The following PTPN9 variants were observed in gnomAD, a reference collection of about 807,000 sequenced individuals.
The protein encoded by PTPN9 is tyrosine-protein phosphatase non-receptor type 9.
PTPN9 carries 26 observed loss-of-function variants against 69.8 expected under a neutral mutation model. The ratio of observed to expected loss-of-function variants is 0.37; its 90% CI spans 0.27 to 0.52. PTPN9 has a LOEUF of 0.52. Among genes scored for constraint, PTPN9 ranks in the 20% least tolerant of loss-of-function variants. PTPN9 has a pLI of 0.91. For synonymous variants in PTPN9, 274 were observed against 272.5 expected (o/e 1.01, Z -0.05); for missense variants, 549 against 740.3 (o/e 0.74, Z 3.00).
Position 75,483,828 on chromosome 15 carries a change from G to A in PTPN9, c.1063-3914C>T, listed in dbSNP as rs747134988. Among the ~76,000 whole-genome samples the A allele has an allele frequency of 6.6e-5, 10 of 152,252 alleles. 1 individual carries two copies. In the South Asian group the frequency reaches 1.0e-3, roughly 16 times the overall value. On this transcript the variant is annotated intron_variant, in intron 8 of 12. Coordinates refer to ENST00000618819, the MANE Select transcript of PTPN9 (RefSeq NM_002833.4). ...GGCAAACTGACAAACTGCATCTGCC[G>A]CCCAGAAGGAATGCTGAGGGCAGTC...
chr15:75,574,712 G>T (rs1324460124), intron 1 of PTPN9, among the ~76,000 whole-genome samples: 13 of 151,768 alleles, frequency 8.6e-5, no homozygotes, highest in Non-Finnish European at 1.5e-5. Flanking sequence ...AGGCTGAGGT[G>T]GGTGAATTGC....
intron 7 of PTPN9, among the ~76,000 whole-genome samples, chr15:75,500,595 T>C (rs2074767706): frequency 6.6e-6 from 1 of 152,060 alleles, no homozygotes; most frequent in South Asian, 2.1e-4. Flanking sequence ...AGATTGGATA[T>C]AAACAGGGAG....
intron 8 of PTPN9, chr15:75,480,560 T>A: frequency 4.5e-6 from 3 of 664,204 alleles, no homozygotes; most frequent in Non-Finnish European, 6.0e-6. Flanking sequence ...CGTCCGGCCA[T>A]GGTGGCCGCG....
chr15:75,512,757 C>G (rs966066175), intron 5 of PTPN9: 2 of 260,164 alleles, frequency 7.7e-6, no homozygotes, highest in African/African-American at 4.6e-5. Context: ...TTAAAATCCC[C>G]CAGAAAAGAC....
chr15:75,473,811 C>T (rs994892854), intron 9 of PTPN9, 44 bp from the exon 10 acceptor site: 5 of 1,465,954 alleles, frequency 3.4e-6, no homozygotes, highest in Non-Finnish European at 3.8e-6. Context: ...CTGGGAAACA[C>T]TTTTTTTCTT....
chr15:75,575,001 TGAGACAGAGG>T (rs1274067011), intron 1 of PTPN9, among the ~76,000 whole-genome samples: 23 of 18,756 alleles, frequency 1.2e-3, no homozygotes, highest in East Asian at 1.5e-3. Flanking sequence ...TTTTTTTTTT[TGAGACAGAGG>T]AGACGGAGTC....
intron 1 of PTPN9, among the ~76,000 whole-genome samples, chr15:75,550,766 AAG>A (rs2075053633): frequency 1.3e-5 from 2 of 152,214 alleles, no homozygotes; most frequent in Admixed American, 1.3e-4. Context: ...CCTGGGCAAA[AAG>A]AGTGAAACTC....
At chr15:75,550,906 A>G (rs1567518431) in intron 1 of PTPN9, among the ~76,000 whole-genome samples, 1 of 152,102 alleles carries the variant, frequency 6.6e-6, no homozygotes, top group Non-Finnish European at 1.5e-5. Context: ...TTGGCCACCC[A>G]AAGTGTTGGG....
chr15:75,543,013 C>T (rs1315531022), intron 1 of PTPN9, among the ~76,000 whole-genome samples: 13 of 123,454 alleles, frequency 1.1e-4, no homozygotes, highest in African/African-American at 3.7e-4. Context: ...CCCCACCCCA[C>T]GACAGTCCCC....
At chr15:75,490,791 A>AT (rs1442620789) in intron 7 of PTPN9, among the ~76,000 whole-genome samples, 3 of 151,940 alleles carry the variant, frequency 2.0e-5, no homozygotes, top group South Asian at 2.1e-4. Context: ...CGCCCAGCTA[A>AT]TTTTTTTGTA....
At position 75,529,249 on chromosome 15, in the gene PTPN9, T is replaced by G. The variant is rs1028233946; in HGVS notation, c.64-1988A>C. Among the ~76,000 whole-genome samples the G allele has an allele frequency of 2.7e-4, 41 of 152,206 alleles. 2 individuals carry two copies. Among genetic ancestry groups the G allele is most frequent in the Middle Eastern group, 6.8e-3 (2 of 294 alleles). ...ATCCGTCCGCCTCGGCCTCCCAAAG[T>G]GCTGGGATTACAGGTGTGAGCCACC... On this transcript the variant is annotated intron_variant, in intron 1 of 12. Transcript: ENST00000618819.
intron 4 of PTPN9, among the ~76,000 whole-genome samples, chr15:75,521,574 A>G (rs1025132465): frequency 5.3e-5 from 8 of 152,062 alleles, no homozygotes; most frequent in Non-Finnish European, 1.2e-4. Context: ...AGCCAGATGC[A>G]ATGGCTTATG....
At chr15:75,529,281 A>T (rs1219493942) in intron 1 of PTPN9, among the ~76,000 whole-genome samples, 1 of 151,970 alleles carries the variant, frequency 6.6e-6, no homozygotes, top group Non-Finnish European at 1.5e-5. Flanking sequence ...CACCGCACCC[A>T]GCCAGGAATA....
rs996982350 is a variant in PTPN9, at chr15:75,527,390, G to A, written c.64-129C>T. ...AACCCAGTTTGCTACAGGGAGCAGG[G>A]AAAGACAAACAAAAAGGTAGAAACA... On this transcript the variant is annotated intron_variant, in intron 1 of 12. Coordinates refer to ENST00000618819, the MANE Select transcript of PTPN9 (RefSeq NM_002833.4). The A allele has an allele frequency of 6.1e-6, 6 of 989,798 alleles. No individual in the cohort carries two copies. The African/African-American group carries it at 9.8e-5, about 16-fold the overall frequency. The allele number at this position is 989,798 out of a possible 1,614,324, so 61.3% of individuals were successfully genotyped here.
At chr15:75,546,207 A>G (rs1595966825) in intron 1 of PTPN9, among the ~76,000 whole-genome samples, 2 of 152,218 alleles carry the variant, frequency 1.3e-5, no homozygotes, top group African/African-American at 4.8e-5. Flanking sequence ...ACCACAGTAG[A>G]AAATTTCTGA....
At position 75,578,934 on chromosome 15, in the gene PTPN9, C is replaced by T. The variant is rs1595975772; in HGVS notation, c.-158G>A. The stretch of plus-strand genomic sequence containing the variant: ...CCGGCGCCTGCAGCGGCCGCAAACG[C>T]CGCTTCTGCTTCCTTAAGAAAAATC... On this transcript the variant is annotated 5_prime_UTR_variant, in exon 1 of 13. Transcript: ENST00000618819. 1 of 334,334 alleles carries T rather than the reference C, an allele frequency of 3.0e-6. No individual in the cohort carries two copies. The allele number at this position is 334,334 out of a possible 1,614,324, so 20.7% of individuals were successfully genotyped here. A position where few individuals can be genotyped will look rare whatever the true frequency, so the allele number is the denominator to read the frequency against.
At chr15:75,512,672 GTA>G in intron 5 of PTPN9, 1 of 166,456 alleles carries the variant, frequency 6.0e-6, no homozygotes, top group Non-Finnish European at 1.3e-5. Flanking sequence ...TGAACTGACA[GTA>G]TATGAGGGTG....
At chr15:75,473,533 G>A (rs1054482209) in intron 10 of PTPN9, among the ~76,000 whole-genome samples, 156 bp downstream of exon 10, 32 of 152,092 alleles carry the variant, frequency 2.1e-4, no homozygotes, top group African/African-American at 7.7e-4. Context: ...CTTGTGATCC[G>A]CCTGCCTTGG....
At chr15:75,559,141 G>A (rs1370936915) in intron 1 of PTPN9, among the ~76,000 whole-genome samples, 1 of 150,320 alleles carries the variant, frequency 6.7e-6, no homozygotes, top group Non-Finnish European at 1.5e-5. Context: ...CTGCCCCGCC[G>A]CCCCGTCTGG....
Sources: allele counts gnomAD v4.1 joint callset (sites outside exome capture counted in the v4.1 genomes callset), GRCh38; gene constraint gnomAD v4.1.1; transcripts MANE v1.5; gene names NCBI Gene and HGNC (gene_info 2026-07-23, HGNC 2026-07-21).